The following ABCB8 variants were observed in gnomAD, a reference collection of about 807,000 sequenced individuals.
The protein encoded by ABCB8 is mitochondrial potassium channel ATP-binding subunit.
A neutral mutation model predicts 73.0 loss-of-function variants in ABCB8; 52 were observed. The observed-to-expected ratio is 0.71, with a 90% CI of 0.57 to 0.90. ABCB8 has a LOEUF of 0.90. ABCB8 is among the 40% of genes least tolerant of loss of function. The probability of loss-of-function intolerance (pLI) is 0.00; values close to 1 mark genes in which losing one functional copy is unlikely to be tolerated. For synonymous variants in ABCB8, 428 were observed against 423.5 expected (o/e 1.01, Z -0.13); for missense variants, 909 against 974.6 (o/e 0.93, Z 0.90).
At chr7:151,033,309 C>G in intron 1 of ABCB8, 1 of 788,500 alleles carries the variant, frequency 1.3e-6, no homozygotes, top group East Asian at 3.4e-5. Flanking sequence ...CTGTCAGAGC[C>G]TGGAGTCGAG....
chr7:151,045,586 G>A lies in ABCB8; in HGVS notation c.*237G>A. 1 of 457,472 alleles carries A rather than the reference G, an allele frequency of 2.2e-6. No homozygotes were observed. The allele number at this position is 457,472 out of a possible 1,614,324, so 28.3% of individuals were successfully genotyped here. On this transcript the variant is annotated 3_prime_UTR_variant, in exon 16 of 16. Coordinates refer to ENST00000358849, the MANE Select transcript of ABCB8 (RefSeq NM_007188.5). ...CCACCAGAGTCTGCCAGAGTCATTG[G>A]GCTGCAATGGGCAGAGACAGAGTTC...
chr7:151,036,516 G>A (rs373193270), intron 8 of ABCB8, 28 bp from the exon 9 acceptor site: 30 of 1,593,856 alleles, frequency 1.9e-5, no homozygotes, highest in South Asian at 4.4e-5. Flanking sequence ...CCCTGGCTTC[G>A]TCCTCCCTCA....
At position 151,044,239 on chromosome 7, in the gene ABCB8, C is replaced by T. The variant is rs201019030; in HGVS notation, c.2016+18C>T. 29 of 1,591,546 alleles carry T rather than the reference C, an allele frequency of 1.8e-5. No homozygotes were observed. Among genetic ancestry groups the T allele is most frequent in the Middle Eastern group, 3.3e-4 (2 of 6,002 alleles). On this transcript the variant is annotated intron_variant, in intron 15 of 15. Coordinates refer to ENST00000358849, the MANE Select transcript of ABCB8 (RefSeq NM_007188.5). ...TCTGGGAGGTTAGTTGTCCTGGGGG[C>T]GTGGATCAGTGGGTTGAGGATGGCT...
intron 9 of ABCB8, chr7:151,037,627 C>T: frequency 5.2e-6 from 2 of 384,698 alleles, no homozygotes; most frequent in South Asian, 2.3e-5. Flanking sequence ...CCGTGCATCA[C>T]CTCTGCCACC....
chr7:151,040,011 G>A (rs1471170878), intron 9 of ABCB8: 15 of 483,412 alleles, frequency 3.1e-5, no homozygotes, highest in African/African-American at 4.0e-5. Flanking sequence ...CCATTTCCTC[G>A]TGGAGCACCC....
intron 2 of ABCB8, 138 bp from the exon 3 acceptor site, chr7:151,034,135 A>T: frequency 8.6e-7 from 1 of 1,161,138 alleles, no homozygotes; most frequent in Non-Finnish European, 1.2e-6. Context: ...AGAGGCACTG[A>T]TGTGTCCACA....
chr7:151,042,831 C>T (rs866003951), intron 14 of ABCB8, among the ~76,000 whole-genome samples: 2 of 152,236 alleles, frequency 1.3e-5, no homozygotes, highest in African/African-American at 4.8e-5. Flanking sequence ...CCAGTGTCCC[C>T]AGCCCAGCCA....
Position 151,041,113 on chromosome 7 carries a change from G to T in ABCB8, c.1498G>T (p.Ala500Ser). ...CAATTCCCCAGGAAAGACCACCGTG[G>T]CTTCCCTGCTGGAGCGCTTCTACGA... Reference protein sequence around the residue: ...GQSGGGKTTVASLLERFYDPT... With the variant: ...GQSGGGKTTVSSLLERFYDPT... The change falls in exon 13 of 16, where the codon GCT (alanine) becomes TCT (serine). Residue 500 changes from alanine to serine, a missense_variant. Transcript: ENST00000358849. 3 of 1,613,482 alleles carry T rather than the reference G, an allele frequency of 1.9e-6. No individual in the cohort carries two copies. The highest frequency in any genetic ancestry group is 1.1e-5 in the South Asian group (1 of 91,084).
At position 151,036,182 on chromosome 7, in the gene ABCB8, A is replaced by AT; in HGVS notation, c.1111+15dup. On this transcript the variant is annotated intron_variant, in intron 8 of 15. Coordinates refer to ENST00000358849, the MANE Select transcript of ABCB8 (RefSeq NM_007188.5). ...CATCGCCTTCAACTGTGAGTGAGCCATTTGGGGGCTGGAGGGGCGCTTGTG... is the reference window on the plus strand; with the variant it reads ...CATCGCCTTCAACTGTGAGTGAGCCATTTTGGGGGCTGGAGGGGCGCTTGTG... 1 of 1,596,008 alleles carries AT rather than the reference A, an allele frequency of 6.3e-7. No homozygotes were observed.
chr7:151,046,650 CTGCAA>C lies in ABCB8; in HGVS notation c.*1306_*1310del, dbSNP rs1189903236. ...CCCTGGGCAGGAGAAGAGGTGGTACCTGCAATGCACCTTCACAGCCAGGCAAGCAT... is the reference window on the plus strand; with the variant it reads ...CCCTGGGCAGGAGAAGAGGTGGTACCTGCACCTTCACAGCCAGGCAAGCAT... On this transcript the variant is annotated 3_prime_UTR_variant, in exon 16 of 16. Transcript: ENST00000358849. 6.6e-6 allele frequency: 1 copy of C among 152,322 alleles called. No individual in the cohort carries two copies. Among genetic ancestry groups the C allele is most frequent in the African/African-American group, 2.4e-5 (1 of 41,460 alleles). 9.4% of individuals were successfully genotyped at this position (152,322 alleles called of 1,614,324 possible).
At position 151,045,229 on chromosome 7, in the gene ABCB8, C is replaced by T; in HGVS notation, c.2037C>T (p.Leu679=). The T allele has an allele frequency of 6.3e-7, 1 of 1,591,210 alleles. No individual in the cohort carries two copies. Among genetic ancestry groups the T allele is most frequent in the Non-Finnish European group, 8.6e-7 (1 of 1,167,504 alleles). ...RVWEAGTHEE[L]LKKGGLYAEL... ...TCCAGGCTGGGACACATGAAGAGCT[C>T]CTGAAGAAAGGCGGGCTATACGCCG... is the stretch of plus-strand genomic sequence containing the variant. The change falls in exon 16 of 16, where the codon CTC becomes CTT. Residue 679 remains leucine (L), a synonymous_variant. Transcript: ENST00000358849.
intron 12 of ABCB8, 61 bp from the exon 13 acceptor site, chr7:151,041,038 T>C: frequency 6.2e-7 from 1 of 1,609,324 alleles, no homozygotes; most frequent in East Asian, 2.2e-5. Flanking sequence ...ACAAGGGGCC[T>C]TCTTTCCTGG....
In ABCB8 at chr7:151,037,275, C is replaced by T. The variant is rs550560164; in HGVS notation, c.1217+626C>T. On this transcript the variant is annotated intron_variant, in intron 9 of 15. Coordinates refer to ENST00000358849, the MANE Select transcript of ABCB8 (RefSeq NM_007188.5). ...TGTTGCACCCTGTCCGAATTCCCTT[C>T]CGCTGCAGGCTGTGACATTCCATGC... The T allele has an allele frequency of 7.1e-6, 5 of 703,054 alleles. No individual in the cohort carries two copies. The East Asian group carries it at 1.3e-4, about 19-fold the overall frequency. 43.6% of individuals were successfully genotyped at this position (703,054 alleles called of 1,614,324 possible).
intron 9 of ABCB8, chr7:151,038,558 C>A (rs1032752091): frequency 1.3e-5 from 2 of 152,146 alleles, no homozygotes; most frequent in African/African-American, 4.8e-5. Flanking sequence ...CACCCCTTAG[C>A]CCTCTGTGGT....
At chr7:151,033,466 C>G (rs1796218177) in intron 1 of ABCB8, 139 bp from the exon 2 acceptor site, 2 of 1,440,280 alleles carry the variant, frequency 1.4e-6, no homozygotes, top group African/African-American at 2.9e-5. Context: ...TTCAGAACAG[C>G]CCTGAGAAGG....
chr7:151,036,906 C>T, intron 9 of ABCB8: 1 of 742,602 alleles, frequency 1.3e-6, no homozygotes. Flanking sequence ...CAGAAGTTTC[C>T]TTGACAGGCT....
chr7:151,028,885 C>T (rs11769256), intron 1 of ABCB8: 254,517 of 1,496,932 alleles, frequency 0.17, 23,322 homozygotes, highest in South Asian at 0.22. Flanking sequence ...CACTCCCGAC[C>T]GGGGGTCCCC....
chr7:151,041,990 G>T lies in ABCB8; in HGVS notation c.1647G>T (p.Met549Ile). 6.2e-7 allele frequency: 1 copy of T among 1,612,952 alleles called. No individual in the cohort carries two copies. Among genetic ancestry groups the T allele is most frequent in the Non-Finnish European group, 8.5e-7 (1 of 1,180,008 alleles). Reference protein sequence around the residue: ...QEPVLFGTTIMENIRFGKLEA... With the variant: ...QEPVLFGTTIIENIRFGKLEA... ...CCGTCCTGTTTGGGACGACCATCATGGAAAACATCCGCTTTGGGAAGCTGG... is the reference window on the plus strand; with the variant it reads ...CCGTCCTGTTTGGGACGACCATCATTGAAAACATCCGCTTTGGGAAGCTGG... The change falls in exon 14 of 16, where the codon ATG becomes ATT. Residue 549 changes from methionine (M) to isoleucine (I), a missense_variant. Met to Ile is a conservative substitution (Grantham distance 10, BLOSUM62 1). Transcript: ENST00000358849.
intron 11 of ABCB8, 86 bp downstream of exon 11, chr7:151,040,720 TC>T: frequency 1.2e-6 from 2 of 1,600,366 alleles, no homozygotes; most frequent in Non-Finnish European, 8.5e-7. Context: ...TGGACTAATG[TC>T]CCCCATAAAC....
Sources: allele counts gnomAD v4.1 joint callset (sites outside exome capture counted in the v4.1 genomes callset), GRCh38; gene constraint gnomAD v4.1.1; transcripts MANE v1.5; gene names NCBI Gene and HGNC (gene_info 2026-07-23, HGNC 2026-07-21).